The following COL6A6 variants were observed in gnomAD, a reference collection of about 807,000 sequenced individuals.
The protein encoded by COL6A6 is collagen alpha-6(VI) chain.
COL6A6 carries 183 observed loss-of-function variants against 208.6 expected under a neutral mutation model. The ratio of observed to expected loss-of-function variants is 0.88; its 90% CI spans 0.78 to 0.99. The LOEUF is 0.99. COL6A6 is among the 50% of genes least tolerant of loss of function. COL6A6 has a pLI of 0.00. For synonymous variants in COL6A6, 973 were observed against 1,011.8 expected (o/e 0.96, Z 0.73); for missense variants, 2,816 against 2,815.2 (o/e 1.00, Z -0.01).
chr3:130,569,498 G>A (rs1577732060), intron 6 of COL6A6, among the ~76,000 whole-genome samples: 1 of 152,270 alleles, frequency 6.6e-6, no homozygotes, highest in East Asian at 1.9e-4. Context: ...TGAAAATGAA[G>A]GACATAGATC....
At chr3:130,606,903 A>G (rs1460609836) in intron 20 of COL6A6, 28 bp from the exon 21 acceptor site, 3 of 1,593,462 alleles carry the variant, frequency 1.9e-6, no homozygotes, top group East Asian at 2.2e-5. Context: ...TTCTGAATTA[A>G]TGATATCCAC....
chr3:130,582,203 C>T (rs2063441570), intron 10 of COL6A6, 135 bp downstream of exon 10: 2 of 614,016 alleles, frequency 3.3e-6, no homozygotes, highest in Non-Finnish European at 5.7e-6. Context: ...TCTGTATGTA[C>T]TAGGCAGAAC....
In COL6A6 at chr3:130,570,894, TATC is replaced by T. The variant is rs750497469; in HGVS notation, c.2481_2483del (p.Ile827del). On this transcript the variant is annotated inframe_deletion, in exon 7 of 37. Transcript: ENST00000358511. ...GCAGTATTGACTATGATGAGTATAA[TATC>T]ATGAAGGATTTTATGATTGGCTTAG... The T allele has an allele frequency of 5.6e-6, 9 of 1,613,790 alleles. No homozygotes were observed. The highest frequency in any genetic ancestry group is 2.2e-5 in the South Asian group (2 of 91,070).
In COL6A6 at chr3:130,606,965, A is replaced by G; in HGVS notation, c.4688A>G (p.Gln1563Arg). Residue 1563 changes from glutamine to arginine, a missense_variant and splice_region_variant, in exon 21 of 37, where the codon CAG becomes CGG. Coordinates refer to ENST00000358511, the MANE Select transcript of COL6A6 (RefSeq NM_001102608.3). ...GGCAGAAGGGGACATACAGGCCCAC[A>G]GGTACAATGATTTTTCCCCTTAACT... is the stretch of plus-strand genomic sequence containing the variant. Reference protein sequence around the residue: ...AHGRRGHTGPQGTAGIPGPDG... With the variant: ...AHGRRGHTGPRGTAGIPGPDG... 6.2e-7 allele frequency: 1 copy of G among 1,607,212 alleles called. No individual in the cohort carries two copies.
chr3:130,653,002 T>C (rs1287151446), intron 33 of COL6A6, among the ~76,000 whole-genome samples: 1 of 152,220 alleles, frequency 6.6e-6, no homozygotes, highest in Non-Finnish European at 1.5e-5. Flanking sequence ...GATCACCGTC[T>C]TGGAAGTTTT....
At chr3:130,540,929 C>A (rs1056032485) in intron 1 of COL6A6, among the ~76,000 whole-genome samples, 1 of 152,136 alleles carries the variant, frequency 6.6e-6, no homozygotes, top group Non-Finnish European at 1.5e-5. Flanking sequence ...GGGTTGATTC[C>A]ATGTCTTTGC....
chr3:130,566,667 C>A, intron 4 of COL6A6, 35 bp from the exon 5 acceptor site: 1 of 1,523,814 alleles, frequency 6.6e-7, no homozygotes, highest in South Asian at 1.3e-5. Flanking sequence ...CATGCTTGCT[C>A]AAATGCCACA....
chr3:130,583,142 A>G (rs531236359), intron 10 of COL6A6, among the ~76,000 whole-genome samples: 72 of 152,312 alleles, frequency 4.7e-4, no homozygotes, highest in African/African-American at 1.6e-3. Context: ...GTTAGCTAAT[A>G]GGGGTTGACA....
intron 1 of COL6A6, among the ~76,000 whole-genome samples, chr3:130,549,081 T>C (rs2062585462): frequency 6.6e-6 from 1 of 152,246 alleles, no homozygotes; most frequent in Admixed American, 6.5e-5. Context: ...ATATTAACTT[T>C]AGTTGTTTCT....
chr3:130,674,363 C>G (rs77597225), intron 36 of COL6A6, among the ~76,000 whole-genome samples: 2,934 of 152,272 alleles, frequency 0.019, 93 homozygotes, highest in African/African-American at 0.067. Context: ...CAGACAGGCT[C>G]TAAGTTCTAC....
chr3:130,623,231 G>A (rs1192936057), intron 24 of COL6A6, among the ~76,000 whole-genome samples: 2 of 152,186 alleles, frequency 1.3e-5, no homozygotes, highest in East Asian at 3.9e-4. Flanking sequence ...GCCGAGCCAG[G>A]TGGATCACTT....
intron 28 of COL6A6, among the ~76,000 whole-genome samples, chr3:130,639,338 C>G (rs1559777020): frequency 2.0e-5 from 3 of 152,070 alleles, no homozygotes; most frequent in Admixed American, 1.3e-4. Flanking sequence ...CTGTTTTGAA[C>G]TCTATTACTC....
rs778249605 is a variant in COL6A6 at position 130,589,106 on chromosome 3, G to A, written c.4142G>A (p.Arg1381Lys). ...TCTCCCAAGGTCAATGTTGCTGAAA[G>A]GACATGCTGCTGTTTGTTCTGCAAG... ...LSKQLVNVAE[R>K]TCCCLFCKCI... The change falls in exon 12 of 37, where the codon AGG becomes AAG. Residue 1381 changes from arginine (R) to lysine (K), a missense_variant. Transcript: ENST00000358511. 4 of 1,613,656 alleles carry A rather than the reference G, an allele frequency of 2.5e-6. No individual in the cohort carries two copies. The East Asian group carries it at 8.9e-5, about 36-fold the overall frequency.
At chr3:130,594,525 CA>C in intron 18 of COL6A6, 182 bp downstream of exon 18, 1 of 477,994 alleles carries the variant, frequency 2.1e-6, no homozygotes, top group Non-Finnish European at 3.7e-6. Flanking sequence ...TGAGTATGAG[CA>C]GTAAAAAGCC....
At chr3:130,609,096 T>C (rs926277914) in intron 22 of COL6A6, 132 bp downstream of exon 22, 1 of 683,370 alleles carries the variant, frequency 1.5e-6, no homozygotes, top group African/African-American at 1.8e-5. Flanking sequence ...GGTAATAAAG[T>C]AAGGAAGCAA....
intron 20 of COL6A6, among the ~76,000 whole-genome samples, chr3:130,601,153 G>A (rs1390540273): frequency 6.6e-6 from 1 of 151,992 alleles, no homozygotes; most frequent in African/African-American, 2.4e-5. Context: ...ATTTTGCTAG[G>A]TTTTCTTTCC....
chr3:130,608,016 A>G (rs1195673938), intron 21 of COL6A6, among the ~76,000 whole-genome samples: 1 of 152,162 alleles, frequency 6.6e-6, no homozygotes, highest in Non-Finnish European at 1.5e-5. Flanking sequence ...GCATCCACAC[A>G]TGGCAGAAGG....
rs757952106 is a variant in COL6A6, at chr3:130,593,256, G to A, written c.4470+4G>A. The A allele has an allele frequency of 3.7e-5, 60 of 1,609,154 alleles. No individual in the cohort carries two copies. Among genetic ancestry groups the A allele is most frequent in the Non-Finnish European group, 4.9e-5 (58 of 1,175,682 alleles). On this transcript the variant is annotated splice_donor_region_variant and intron_variant, in intron 17 of 36. Transcript: ENST00000358511. ...AAAGGGAGATGAGGGATCTCAGGTA[G>A]GGATTTGAAAAGGAAGAACATAAAA...
rs973487046 is a variant in COL6A6, at chr3:130,613,126, C to T, written c.4815+2415C>T. Among the ~76,000 whole-genome samples the T allele has an allele frequency of 5.3e-5, 8 of 152,146 alleles. 1 individual carries two copies. The highest frequency in any genetic ancestry group is 1.9e-4 in the African/African-American group (8 of 41,418). Reference sequence around the variant, plus strand: ...AGAATGGTGTTTCCTAGGTTATCCTCCAGGGTTTTTATGCTTCTAGATTTT... The same window carrying T: ...AGAATGGTGTTTCCTAGGTTATCCTTCAGGGTTTTTATGCTTCTAGATTTT... On this transcript the variant is annotated intron_variant, in intron 23 of 36. Coordinates refer to ENST00000358511, the MANE Select transcript of COL6A6 (RefSeq NM_001102608.3).
Sources: gnomAD v4.1 joint callset for allele counts (sites outside exome capture counted in the v4.1 genomes callset) on GRCh38, gnomAD v4.1.1 for gene constraint, MANE v1.5 for transcripts, NCBI Gene and HGNC (gene_info 2026-07-23, HGNC 2026-07-21) for gene names.